The following UBR4 variants were observed in gnomAD, a reference collection of about 807,000 sequenced individuals.
The protein encoded by UBR4 is ubiquitin protein ligase E3 component n-recognin 4.
UBR4 carries 124 observed loss-of-function variants against 575.6 expected under a neutral mutation model. That is an observed-to-expected ratio of 0.22 (90% CI 0.19 to 0.25). The LOEUF (loss-of-function observed/expected upper bound fraction) is 0.25, where lower values mean the gene tolerates loss of function less well. Among genes scored for constraint, UBR4 ranks in the 10% least tolerant of loss-of-function variants. UBR4 has a pLI of 1.00. For synonymous variants in UBR4, 2,455 were observed against 2,473.7 expected (o/e 0.99, Z 0.22); for missense variants, 4,818 against 6,478.8 (o/e 0.74, Z 8.80).
intron 81 of UBR4, among the ~76,000 whole-genome samples, chr1:19,109,870 C>A (rs888952795): frequency 6.6e-5 from 10 of 152,268 alleles, no homozygotes; most frequent in African/African-American, 2.4e-4. Flanking sequence ...TCACAGCTAG[C>A]CACTTTGCTC....
At position 19,107,821 on chromosome 1, in the gene UBR4, G is replaced by A. The variant is rs573521817; in HGVS notation, c.12106-855C>T. 2.1e-4 allele frequency among the ~76,000 whole-genome samples: 32 copies of A among 152,138 alleles called. No homozygotes were observed. The South Asian group carries it at 6.6e-3, about 32-fold the overall frequency. Reference sequence around the variant, plus strand: ...AAAAAATAAAACACTGAGAAATTCTGAAGATATTTGTTAATTCATTGAAAA... The same window carrying A: ...AAAAAATAAAACACTGAGAAATTCTAAAGATATTTGTTAATTCATTGAAAA... On this transcript the variant is annotated intron_variant, in intron 81 of 105. Transcript: ENST00000375254.
chr1:19,123,172 C>G, intron 65 of UBR4, 112 bp from the exon 66 acceptor site: 1 of 1,192,600 alleles, frequency 8.4e-7, no homozygotes, highest in East Asian at 2.6e-5. Context: ...TGGGGACAGG[C>G]CGGGCACGGT....
In UBR4 at chr1:19,152,178, C is replaced by T. The variant is rs2085825188; in HGVS notation, c.6996+135G>A. 2 of 1,305,532 alleles carry T rather than the reference C, an allele frequency of 1.5e-6. No homozygotes were observed. Among genetic ancestry groups the T allele is most frequent in the East Asian group, 2.3e-5 (1 of 43,002 alleles). The allele number at this position is 1,305,532 out of a possible 1,614,324, so 80.9% of individuals were successfully genotyped here. A position where few individuals can be genotyped will look rare whatever the true frequency, so the allele number is the denominator to read the frequency against. ...TAAGAATATCCATTTTTCTAAGGAA[C>T]CATTTAACTAGAACCGAGGGTTGTG... On this transcript the variant is annotated intron_variant, in intron 47 of 105. Transcript: ENST00000375254. This position sits in a 1 kb window ranked among gnomAD's most constrained non-coding sequence, Gnocchi z 4.4.
chr1:19,155,668 T>G lies in UBR4; in HGVS notation c.6073A>C (p.Ile2025Leu). The change falls in exon 43 of 106, where the codon ATT becomes CTT. Residue 2025 changes from isoleucine (I) to leucine (L), a missense_variant and splice_region_variant. This residue lies in a region of UBR4 where 461 missense variants were observed against 606.9 expected (regional missense o/e 0.76). Transcript: ENST00000375254. ...LAIVTADFVK[I>L]YDLCVDALSP... ...AAGGCATCAACACACAGGTCATAAATCTGCAGGATGGAAGAAAAATTAAAT... is the reference window on the plus strand; with the variant it reads ...AAGGCATCAACACACAGGTCATAAAGCTGCAGGATGGAAGAAAAATTAAAT... 1 of 1,611,526 alleles carries G rather than the reference T, an allele frequency of 6.2e-7. No homozygotes were observed. Among genetic ancestry groups the G allele is most frequent in the South Asian group, 1.1e-5 (1 of 91,036 alleles).
At chr1:19,206,864 G>C (rs901789690) in intron 1 of UBR4, among the ~76,000 whole-genome samples, 1 of 152,294 alleles carries the variant, frequency 6.6e-6, no homozygotes, top group African/African-American at 2.4e-5. Context: ...ACAGGGGTTA[G>C]ACCTAGGAAC....
Position 19,198,988 on chromosome 1 carries a change from T to A in UBR4, c.379-60A>T. ...AAAACAAATAGATCTTTCAGAAAATTCTACTCTTTTGGAAATTCTAACTGG... is the reference window on the plus strand; with the variant it reads ...AAAACAAATAGATCTTTCAGAAAATACTACTCTTTTGGAAATTCTAACTGG... On this transcript the variant is annotated intron_variant, in intron 3 of 105. Coordinates refer to ENST00000375254, the MANE Select transcript of UBR4 (RefSeq NM_020765.3). 3 of 1,570,036 alleles carry A rather than the reference T, an allele frequency of 1.9e-6. No individual in the cohort carries two copies. The South Asian group carries it at 3.5e-5, about 18-fold the overall frequency.
chr1:19,175,938 C>T (rs34219832), intron 20 of UBR4, among the ~76,000 whole-genome samples: 41,570 of 151,902 alleles, frequency 0.27, 6,531 homozygotes, highest in East Asian at 0.61. Context: ...GCACCACAGG[C>T]ACGTGCCACC....
chr1:19,198,904 C>T lies in UBR4; in HGVS notation c.403G>A (p.Gly135Ser). Residue 135 changes from glycine to serine, a missense_variant, in exon 4 of 106, where the codon GGC becomes AGC. Around this residue, in one of 29 missense-constraint regions of UBR4, gnomAD observed 85 missense variants for 134.2 expected, o/e 0.63. Transcript: ENST00000375254. ...AGTCGGCTACAGCCAGTGCACAGGC[C>T]CTTGATTAGGAGAATCAAGTGTTTC... ...SQKHLILLIKGLCTGCSRLDR... is the reference protein window; with the variant it reads ...SQKHLILLIKSLCTGCSRLDR... 1 of 1,613,868 alleles carries T rather than the reference C, an allele frequency of 6.2e-7. No homozygotes were observed. The highest frequency in any genetic ancestry group is 8.5e-7 in the Non-Finnish European group (1 of 1,179,958).
chr1:19,092,244 G>A (rs2077592885), intron 97 of UBR4, among the ~76,000 whole-genome samples: 2 of 152,148 alleles, frequency 1.3e-5, no homozygotes, highest in East Asian at 1.9e-4. Flanking sequence ...ACCACTGGGG[G>A]AGAGTGGGGA....
chr1:19,174,912 A>G (rs572428521), intron 21 of UBR4, 42 bp downstream of exon 21: 1 of 1,573,514 alleles, frequency 6.4e-7, no homozygotes, highest in South Asian at 1.1e-5. Flanking sequence ...GGTGGAAACC[A>G]TCTGACCCAC....
chr1:19,133,497 A>G (rs1182672355), intron 60 of UBR4, among the ~76,000 whole-genome samples: 2 of 152,236 alleles, frequency 1.3e-5, no homozygotes, highest in Non-Finnish European at 2.9e-5. Flanking sequence ...AATGTTCATC[A>G]TCATCACTTC....
In UBR4 at chr1:19,117,430, C is replaced by T. The variant is rs2080667543; in HGVS notation, c.10630-16G>A. The T allele has an allele frequency of 6.2e-7, 1 of 1,612,538 alleles. No homozygotes were observed. Among genetic ancestry groups the T allele is most frequent in the South Asian group, 1.1e-5 (1 of 91,044 alleles). On this transcript the variant is annotated splice_polypyrimidine_tract_variant and intron_variant, in intron 72 of 105. Coordinates refer to ENST00000375254, the MANE Select transcript of UBR4 (RefSeq NM_020765.3). This position sits in a 1 kb window ranked among gnomAD's most constrained non-coding sequence, Gnocchi z 4.0. Reference sequence around the variant, plus strand: ...GCTTGATATACTAAATACAAGAGTTCACAAAACATGGTATTAGTTCAAGAC... The same window carrying T: ...GCTTGATATACTAAATACAAGAGTTTACAAAACATGGTATTAGTTCAAGAC...
intron 60 of UBR4, among the ~76,000 whole-genome samples, chr1:19,135,287 C>A (rs1165418911): frequency 6.6e-6 from 1 of 152,134 alleles, no homozygotes; most frequent in Non-Finnish European, 1.5e-5. Context: ...TATCTTCATA[C>A]CATTATCACA....
intron 102 of UBR4, 144 bp downstream of exon 102, chr1:19,084,359 TC>T: frequency 1.3e-6 from 1 of 763,246 alleles, no homozygotes; most frequent in Non-Finnish European, 2.0e-6. Flanking sequence ...CAGATGAGCA[TC>T]CCCACCTCGG....
chr1:19,105,354 G>A lies in UBR4; in HGVS notation c.12504-165C>T, dbSNP rs145200886. Among the ~76,000 whole-genome samples, 263 of 152,224 alleles carry A rather than the reference G, an allele frequency of 1.7e-3. 3 individuals are homozygous for A. Among genetic ancestry groups the A allele is most frequent in the Non-Finnish European group, 9.7e-4 (66 of 67,992 alleles). Reference sequence around the variant, plus strand: ...CCAAGACAGCTCCAATTCCCACATGGGAATTTCCCACATCTAGGAAGCATT... The same window carrying A: ...CCAAGACAGCTCCAATTCCCACATGAGAATTTCCCACATCTAGGAAGCATT... On this transcript the variant is annotated intron_variant, in intron 84 of 105. Coordinates refer to ENST00000375254, the MANE Select transcript of UBR4 (RefSeq NM_020765.3).
At chr1:19,205,975 C>T (rs560956629) in intron 1 of UBR4, among the ~76,000 whole-genome samples, 138 of 152,202 alleles carry the variant, frequency 9.1e-4, no homozygotes, top group Non-Finnish European at 1.7e-3. Context: ...TGCTCACCAG[C>T]GTATCTTGCA....
At chr1:19,106,064 T>A (rs1312774633) in intron 83 of UBR4, among the ~76,000 whole-genome samples, 1 of 152,168 alleles carries the variant, frequency 6.6e-6, no homozygotes, top group African/African-American at 2.4e-5. Context: ...GACTTCTCCA[T>A]CAGGAGATGT....
In UBR4 at chr1:19,146,136, T is replaced by C. The variant is rs748926496; in HGVS notation, c.7805-203A>G. Reference sequence around the variant, plus strand: ...GAAAGGAATATCGCAGAAAACATTGTATGTTAGAATTAAGTAGAACGGGGA... The same window carrying C: ...GAAAGGAATATCGCAGAAAACATTGCATGTTAGAATTAAGTAGAACGGGGA... On this transcript the variant is annotated intron_variant, in intron 52 of 105. Transcript: ENST00000375254. 3.0e-5 allele frequency: 45 copies of C among 1,518,410 alleles called. No individual in the cohort carries two copies. In the South Asian group the frequency reaches 4.7e-4, roughly 16 times the overall value. The allele number at this position is 1,518,410 out of a possible 1,614,324, so 94.1% of individuals were successfully genotyped here.
chr1:19,125,295 C>G lies in UBR4; in HGVS notation c.9439-605G>C, dbSNP rs12058208. ...ACAACGTGTCTCACATATTCAACTC[C>G]CAGTTATTCATCAGTTCTGTATCAA... On this transcript the variant is annotated intron_variant, in intron 64 of 105. Transcript: ENST00000375254. Among the ~76,000 whole-genome samples, 1,347 of 152,262 alleles carry G rather than the reference C, an allele frequency of 8.8e-3. 19 individuals are homozygous for G. Among genetic ancestry groups the G allele is most frequent in the African/African-American group, 0.031 (1,272 of 41,550 alleles).
Sources: gnomAD v4.1 joint callset for allele counts (sites outside exome capture counted in the v4.1 genomes callset) on GRCh38, gnomAD v4.1.1 for gene constraint, gnomAD v4.1.1 regional missense constraint, Gnocchi (gnomAD v3.1) non-coding constraint, MANE v1.5 for transcripts, NCBI Gene and HGNC (gene_info 2026-07-23, HGNC 2026-07-21) for gene names.